The following GPHN variants were observed in gnomAD, a reference collection of about 807,000 sequenced individuals.
GPHN encodes gephyrin.
A neutral mutation model predicts 95.5 loss-of-function variants in GPHN; 17 were observed. That is an observed-to-expected ratio of 0.18 (90% CI 0.12 to 0.27). The LOEUF (loss-of-function observed/expected upper bound fraction) is 0.27, where lower values mean the gene tolerates loss of function less well. GPHN is among the 10% of genes least tolerant of loss of function. The pLI is 1.00. For synonymous variants in GPHN, 320 were observed against 322.5 expected, an observed-to-expected ratio of 0.99 and a Z score of 0.08; for missense variants, 660 against 978.1, an observed-to-expected ratio of 0.67 and a Z score of 4.34.
chr14:66,781,452 A>C (rs2059604447), intron 3 of GPHN, among the ~76,000 whole-genome samples: 1 of 152,032 alleles, frequency 6.6e-6, no homozygotes, highest in Admixed American at 6.6e-5. Context: ...TCCTGACCTG[A>C]AGTGATCCAC....
At chr14:66,612,686 C>T (rs1194549181) in intron 1 of GPHN, among the ~76,000 whole-genome samples, 1 of 151,992 alleles carries the variant, frequency 6.6e-6, no homozygotes, top group Non-Finnish European at 1.5e-5. Flanking sequence ...TAGAATGTTT[C>T]TTTCTCTCCA....
chr14:66,990,008 G>GT (rs1300979762), intron 9 of GPHN, among the ~76,000 whole-genome samples: 1 of 152,078 alleles, frequency 6.6e-6, no homozygotes, highest in Non-Finnish European at 1.5e-5. Context: ...CTGAGACTGG[G>GT]TAATTTATAA....
At chr14:66,838,154 T>C (rs1261690517) in intron 4 of GPHN, among the ~76,000 whole-genome samples, 3 of 152,134 alleles carry the variant, frequency 2.0e-5, no homozygotes, top group African/African-American at 7.2e-5. Flanking sequence ...CCATGCAATT[T>C]ACTTAACTTT....
chr14:67,359,538 C>G, the GPHN span: 1 of 1,156,634 alleles, frequency 8.6e-7, no homozygotes, highest in Non-Finnish European at 1.2e-6. Context: ...AGAAAAGAAC[C>G]TGGGAAAAGC....
chr14:67,315,885 A>G, the GPHN span, among the ~76,000 whole-genome samples: 2 of 152,254 alleles, frequency 1.3e-5, no homozygotes, highest in African/African-American at 2.4e-5. Context: ...AGATTGCGCC[A>G]CTGCACTCCA....
At chr14:66,743,648 G>T (rs2072996016) in intron 2 of GPHN, among the ~76,000 whole-genome samples, 1 of 152,104 alleles carries the variant, frequency 6.6e-6, no homozygotes, top group African/African-American at 2.4e-5. Context: ...AGGCTGAGGC[G>T]GGAGAATGGC....
intron 9 of GPHN, among the ~76,000 whole-genome samples, chr14:66,971,750 C>T (rs2069802243): frequency 6.6e-6 from 1 of 152,158 alleles, no homozygotes; most frequent in Admixed American, 6.5e-5. Flanking sequence ...GTCTGTCTTG[C>T]ACTTCAAATG....
intron 2 of GPHN, among the ~76,000 whole-genome samples, chr14:66,739,591 A>G (rs768329916): frequency 6.6e-6 from 1 of 150,604 alleles, no homozygotes; most frequent in Admixed American, 6.6e-5. Flanking sequence ...AATTTAGTTT[A>G]AAGTAGTCTA....
At chr14:66,842,714 G>A in intron 4 of GPHN, 2 of 1,532,564 alleles carry the variant, frequency 1.3e-6, no homozygotes, top group Non-Finnish European at 1.7e-6. Context: ...GCTCCAGAAA[G>A]GGGTAAGCGA....
intron 10 of GPHN, among the ~76,000 whole-genome samples, chr14:67,046,221 G>C (rs894126781): frequency 6.6e-6 from 1 of 151,916 alleles, no homozygotes; most frequent in African/African-American, 2.4e-5. Flanking sequence ...TTTAGCCAAA[G>C]GGAGCTCTTC....
the GPHN span, among the ~76,000 whole-genome samples, chr14:67,394,118 T>C: frequency 6.6e-6 from 1 of 152,202 alleles, no homozygotes; most frequent in Admixed American, 6.5e-5. Flanking sequence ...CCTCCAAATT[T>C]GAGAGGCAGG....
At chr14:67,572,001 C>T in the GPHN span, 58 of 1,488,532 alleles carry the variant, frequency 3.9e-5, no homozygotes, top group East Asian at 4.2e-4. Flanking sequence ...GATCTGAGCT[C>T]GTGACCCCCC....
the GPHN span, among the ~76,000 whole-genome samples, chr14:67,672,470 G>C: frequency 1.6e-5 from 2 of 121,846 alleles, no homozygotes; most frequent in Non-Finnish European, 3.4e-5. Context: ...TTTTGATACA[G>C]AGTCTTGATC....
intron 1 of GPHN, among the ~76,000 whole-genome samples, 183 bp downstream of exon 1, chr14:66,508,774 C>T (rs2057898955): frequency 6.6e-6 from 1 of 152,192 alleles, no homozygotes; most frequent in Non-Finnish European, 1.5e-5. Flanking sequence ...CGCGGGTCCC[C>T]TCCCCCAGGC....
At chr14:66,652,611 T>A (rs1206114435) in intron 1 of GPHN, among the ~76,000 whole-genome samples, 2 of 152,156 alleles carry the variant, frequency 1.3e-5, no homozygotes, top group Middle Eastern at 3.2e-3. Context: ...AGCTATACAT[T>A]AATATTATTT....
At chr14:67,257,958 A>C in the GPHN span, among the ~76,000 whole-genome samples, 1 of 152,184 alleles carries the variant, frequency 6.6e-6, no homozygotes, top group Non-Finnish European at 1.5e-5. Context: ...CAAGGTAGTG[A>C]ATATTTGCAT....
At chr14:67,016,218 C>T (rs1224065390) in intron 9 of GPHN, among the ~76,000 whole-genome samples, 9 of 151,806 alleles carry the variant, frequency 5.9e-5, no homozygotes, top group African/African-American at 2.2e-4. Context: ...TGGTCAAAGC[C>T]TACAGATATT....
the GPHN span, among the ~76,000 whole-genome samples, chr14:67,223,024 G>A: frequency 7.2e-6 from 1 of 139,116 alleles, no homozygotes; most frequent in African/African-American, 2.8e-5. Flanking sequence ...TTTTGAGATG[G>A]GGTCTCCCTC....
chr14:66,556,666 A>G (rs775479623), intron 1 of GPHN, among the ~76,000 whole-genome samples: 1 of 152,128 alleles, frequency 6.6e-6, no homozygotes, highest in African/African-American at 2.4e-5. Flanking sequence ...TTGGTCCCAT[A>G]ATTATTTATG....
Sources: gnomAD v4.1 joint callset for allele counts (sites outside exome capture counted in the v4.1 genomes callset) on GRCh38, gnomAD v4.1.1 for gene constraint, MANE v1.5 for transcripts, NCBI Gene and HGNC (gene_info 2026-07-23, HGNC 2026-07-21) for gene names.